Variants in ZC3H12B observed in about 807,000 individuals in gnomAD.
The protein encoded by ZC3H12B is probable ribonuclease ZC3H12B.
A neutral mutation model predicts 43.9 loss-of-function variants in ZC3H12B; 7 were observed. The ratio of observed to expected loss-of-function variants is 0.16; its 90% CI spans 0.09 to 0.30. ZC3H12B has a LOEUF of 0.30. Among genes scored for constraint, ZC3H12B ranks in the 10% least tolerant of loss-of-function variants. The pLI is 1.00. For synonymous variants in ZC3H12B, 222 were observed against 241.7 expected, an observed-to-expected ratio of 0.92 and a Z score of 0.76; for missense variants, 475 against 670.2, an observed-to-expected ratio of 0.71 and a Z score of 3.22.
At chrX:65,416,868 G>A (rs1267412483) in intron 3 of ZC3H12B, among the ~76,000 whole-genome samples, 2 of 111,083 alleles carry the variant, frequency 1.8e-5, no homozygotes. Context: ...TCCACAATTT[G>A]CTAACAAGAC....
chrX:65,156,512 C>T, the ZC3H12B span, among the ~76,000 whole-genome samples: 1 of 111,448 alleles, frequency 9.0e-6, no homozygotes, highest in South Asian at 3.8e-4. Flanking sequence ...TCCAGAGTAC[C>T]TGGGATTACA....
At chrX:65,061,656 ACTTGTAATC>A in the ZC3H12B span, among the ~76,000 whole-genome samples, 2 of 112,380 alleles carry the variant, frequency 1.8e-5, no homozygotes, top group East Asian at 5.5e-4. Flanking sequence ...TAGTAGAATG[ACTTGTAATC>A]CTTTCAGTAT....
At chrX:65,071,913 C>G in the ZC3H12B span, among the ~76,000 whole-genome samples, 1 of 111,591 alleles carries the variant, frequency 9.0e-6, no homozygotes, top group East Asian at 2.8e-4. Context: ...CTTGGAGAAT[C>G]TCATGGTTAT....
chrX:65,467,630 A>C (rs1325689181), intron 3 of ZC3H12B, among the ~76,000 whole-genome samples: 1 of 112,010 alleles, frequency 8.9e-6, no homozygotes, highest in African/African-American at 3.2e-5. Context: ...TTTTGACTTT[A>C]ATAATGGCCA....
At chrX:65,395,857 A>C in intron 2 of ZC3H12B, among the ~76,000 whole-genome samples, 1 of 111,805 alleles carries the variant, frequency 8.9e-6, no homozygotes, top group Admixed American at 9.5e-5. Context: ...TATTGCCTCA[A>C]TTTTAGAACT....
At chrX:65,148,383 A>G in the ZC3H12B span, among the ~76,000 whole-genome samples, 2 of 111,821 alleles carry the variant, frequency 1.8e-5, no homozygotes, top group Admixed American at 9.4e-5. Context: ...GGGCTGTGGG[A>G]TCAGCCTAGT....
chrX:65,333,025 C>G, the ZC3H12B span, among the ~76,000 whole-genome samples: 1 of 111,286 alleles, frequency 9.0e-6, no homozygotes, highest in African/African-American at 3.3e-5. Flanking sequence ...TTTTAAAAAG[C>G]TGAACCCAGC....
At chrX:65,303,951 A>T in the ZC3H12B span, among the ~76,000 whole-genome samples, 2 of 112,613 alleles carry the variant, frequency 1.8e-5, no homozygotes, top group Non-Finnish European at 3.8e-5. Context: ...ATTTTGTTAA[A>T]GTGTCAGTTT....
rs2067234855 is a variant in ZC3H12B, at chrX:65,437,431, A to C, written n.407+38727A>C. 1.8e-5 allele frequency among the ~76,000 whole-genome samples: 2 copies of C among 112,363 alleles called. 1 individual carries two copies. Among genetic ancestry groups the C allele is most frequent in the South Asian group, 7.3e-4 (2 of 2,724 alleles). On this transcript the variant is annotated intron_variant and non_coding_transcript_variant, in intron 3 of 5. Transcript: ENST00000617377. ...GTCTTTCTATGCCTGGCTTAGGTGA[A>C]GTCATTCTGACTAGGGTGAGATGAT... is the stretch of plus-strand genomic sequence containing the variant.
At chrX:65,249,986 G>A in the ZC3H12B span, among the ~76,000 whole-genome samples, 1 of 109,699 alleles carries the variant, frequency 9.1e-6, no homozygotes, top group South Asian at 4.0e-4. Flanking sequence ...TGTGCACAAC[G>A]TGCAGGTTTG....
At chrX:65,257,312 A>G in the ZC3H12B span, among the ~76,000 whole-genome samples, 1 of 111,745 alleles carries the variant, frequency 8.9e-6, no homozygotes, top group Admixed American at 9.5e-5. Context: ...AGGGACATGG[A>G]TGAAGCTGGA....
chrX:65,158,915 T>G, the ZC3H12B span, among the ~76,000 whole-genome samples: 2 of 112,111 alleles, frequency 1.8e-5, no homozygotes, highest in East Asian at 2.8e-4. Flanking sequence ...GGTCTAACAT[T>G]TAAGTCTTTA....
the ZC3H12B span, among the ~76,000 whole-genome samples, chrX:65,168,831 G>A: frequency 9.0e-6 from 1 of 111,706 alleles, no homozygotes; most frequent in African/African-American, 3.2e-5. Flanking sequence ...TTTTGTAGAG[G>A]TGTTTATACT....
chrX:65,286,871 C>G, the ZC3H12B span, among the ~76,000 whole-genome samples: 2 of 110,905 alleles, frequency 1.8e-5, no homozygotes, highest in African/African-American at 6.6e-5. Flanking sequence ...TGGAAACCGA[C>G]AGCAAGTAGT....
At chrX:65,397,652 C>A (rs1401271503) in intron 2 of ZC3H12B, among the ~76,000 whole-genome samples, 1 of 111,059 alleles carries the variant, frequency 9.0e-6, no homozygotes, top group Non-Finnish European at 1.9e-5. Flanking sequence ...AAGGCATATA[C>A]AATAGACCCA....
chrX:65,429,235 A>C (rs1328081434), intron 3 of ZC3H12B, among the ~76,000 whole-genome samples: 2 of 112,743 alleles, frequency 1.8e-5, no homozygotes, highest in Non-Finnish European at 3.8e-5. Flanking sequence ...GAGGAACAGG[A>C]TGAGGGACCA....
At position 65,445,095 on chromosome X, in the gene ZC3H12B, A is replaced by T. The variant is rs1164057578; in HGVS notation, n.408-43551A>T. On this transcript the variant is annotated intron_variant and non_coding_transcript_variant, in intron 3 of 5. Coordinates refer to the ZC3H12B transcript ENST00000617377. ...TTCTTTGTTAAATTTATCTGATAGG[A>T]TTCTGAATTCCTTCTCTGTGTTATT... is the stretch of plus-strand genomic sequence containing the variant. Among the ~76,000 whole-genome samples the T allele has an allele frequency of 2.7e-5, 3 of 111,964 alleles. No homozygotes were observed. The East Asian group carries it at 8.3e-4, about 31-fold the overall frequency.
chrX:65,199,172 A>T, the ZC3H12B span, among the ~76,000 whole-genome samples: 17 of 104,026 alleles, frequency 1.6e-4, no homozygotes, highest in Non-Finnish European at 3.1e-4. Context: ...GTTTTTTATT[A>T]TTTTTTTTTC....
chrX:65,089,682 CACTT>C, the ZC3H12B span, among the ~76,000 whole-genome samples: 1 of 112,283 alleles, frequency 8.9e-6, no homozygotes, highest in African/African-American at 3.2e-5. Context: ...TTTGTAATAA[CACTT>C]AGCTTGAAAT....
Sources: allele counts gnomAD v4.1 joint callset (sites outside exome capture counted in the v4.1 genomes callset), GRCh38; gene constraint gnomAD v4.1.1; transcripts MANE v1.5; gene names NCBI Gene and HGNC (gene_info 2026-07-23, HGNC 2026-07-21).